ITSN2: variants seen among roughly 807,000 people sequenced by gnomAD.
The protein encoded by ITSN2 is intersectin 2, also known as intersectin-2.
ITSN2 carries 156 observed loss-of-function variants against 243.7 expected under a neutral mutation model. The observed-to-expected ratio is 0.64, with a 90% CI of 0.56 to 0.73. The LOEUF (loss-of-function observed/expected upper bound fraction) is 0.73. Among genes scored for constraint, ITSN2 ranks in the 30% least tolerant of loss-of-function variants. The probability of loss-of-function intolerance (pLI) is 0.00; values close to 1 mark genes in which losing one functional copy is unlikely to be tolerated. For synonymous variants in ITSN2, 703 were observed against 699.9 expected, an observed-to-expected ratio of 1.00 and a Z score of -0.07; for missense variants, 1,801 against 1,996.1, an observed-to-expected ratio of 0.90 and a Z score of 1.86.
At position 24,293,783 on chromosome 2, in the gene ITSN2, A is replaced by G. The variant is rs963979119; in HGVS notation, c.1636-8T>C. On this transcript the variant is annotated splice_region_variant and splice_polypyrimidine_tract_variant and intron_variant, in intron 14 of 39. Coordinates refer to ENST00000355123, the MANE Select transcript of ITSN2 (RefSeq NM_006277.3). ...AAGCTTATTCTGATATTCCTTATAAAAAGAAAAAATAGTACCTGATTACAA... is the reference window on the plus strand; with the variant it reads ...AAGCTTATTCTGATATTCCTTATAAGAAGAAAAAATAGTACCTGATTACAA... The G allele has an allele frequency of 2.4e-6, 2 of 835,562 alleles. No individual in the cohort carries two copies. Among genetic ancestry groups the G allele is most frequent in the African/African-American group, 3.6e-5 (2 of 55,874 alleles). 51.8% of individuals were successfully genotyped at this position (835,562 alleles called of 1,614,324 possible).
chr2:24,286,441 A>G (rs1271106355), intron 15 of ITSN2, 90 bp from the exon 16 acceptor site: 1 of 1,073,222 alleles, frequency 9.3e-7, no homozygotes, highest in Non-Finnish European at 1.4e-6. Flanking sequence ...GATTGATGTA[A>G]CTAGACCAAT....
intron 17 of ITSN2, among the ~76,000 whole-genome samples, chr2:24,278,234 G>A (rs1255512794): frequency 6.6e-6 from 1 of 152,164 alleles, no homozygotes; most frequent in Non-Finnish European, 1.5e-5. Context: ...ATTCCCTGCA[G>A]TGTCAGAGTT....
intron 29 of ITSN2, among the ~76,000 whole-genome samples, chr2:24,229,529 T>C (rs1004926549): frequency 2.0e-5 from 3 of 152,014 alleles, no homozygotes; most frequent in African/African-American, 7.3e-5. Context: ...GCAGAGGTTG[T>C]AGTGAGCCAA....
intron 1 of ITSN2, among the ~76,000 whole-genome samples, chr2:24,343,407 T>C (rs1478645965): frequency 1.3e-5 from 2 of 152,202 alleles, no homozygotes; most frequent in African/African-American, 4.8e-5. Context: ...TTTTTCACAG[T>C]GAATAAGTAA....
intron 29 of ITSN2, among the ~76,000 whole-genome samples, chr2:24,238,148 T>C (rs1174241380): frequency 6.6e-6 from 1 of 152,220 alleles, no homozygotes; most frequent in Non-Finnish European, 1.5e-5. Context: ...CTGAATTTGG[T>C]ATTCCTTCTC....
rs750112727 is a variant in ITSN2, at chr2:24,298,834, A to G, written c.1345-20T>C. 8 of 1,572,440 alleles carry G rather than the reference A, an allele frequency of 5.1e-6. No homozygotes were observed. The African/African-American group carries it at 9.7e-5, about 19-fold the overall frequency. ...TGCTGCCTGAAAAAAAAAAGGAATT[A>G]TACTTAATTTTTAAATCAAAAATTT... On this transcript the variant is annotated intron_variant, in intron 12 of 39. Coordinates refer to ENST00000355123, the MANE Select transcript of ITSN2 (RefSeq NM_006277.3).
intron 4 of ITSN2, 149 bp from the exon 5 acceptor site, chr2:24,312,524 T>C (rs987577897): frequency 4.2e-6 from 2 of 476,050 alleles, no homozygotes; most frequent in East Asian, 3.4e-5. Flanking sequence ...GTAAAATATA[T>C]AATAACAAAA....
In ITSN2 at chr2:24,257,965, C is replaced by T. The variant is rs536987512; in HGVS notation, c.2811G>A (p.Gly937=). The change falls in exon 23 of 40, where the codon GGG becomes GGA. Residue 937 remains glycine, a synonymous_variant. Coordinates refer to ENST00000355123, the MANE Select transcript of ITSN2 (RefSeq NM_006277.3). The part of the protein sequence containing the change: ...VLEQQENWWF[G]EVHGGRGWFP... ...ACCATCCTCTTCCTCCATGCACCTC[C>T]CCAAACCACCAATTTTCTTGCTGCT... is the stretch of plus-strand genomic sequence containing the variant. 1.2e-5 allele frequency: 19 copies of T among 1,613,968 alleles called. No individual in the cohort carries two copies. The South Asian group carries it at 1.9e-4, about 16-fold the overall frequency.
Position 24,252,370 on chromosome 2 carries a change from T to C in ITSN2, c.3095A>G (p.Asn1032Ser), listed in dbSNP as rs1674457166. 1 of 1,612,542 alleles carries C rather than the reference T, an allele frequency of 6.2e-7. No individual in the cohort carries two copies. Among genetic ancestry groups the C allele is most frequent in the Non-Finnish European group, 8.5e-7 (1 of 1,178,780 alleles). The change falls in exon 25 of 40, where the codon AAC (asparagine) becomes AGC (serine). Residue 1032 changes from asparagine to serine, a missense_variant. Around this residue, in one of 5 missense-constraint regions of ITSN2, gnomAD observed 928 missense variants for 1,065.4 expected, o/e 0.87. Coordinates refer to ENST00000355123, the MANE Select transcript of ITSN2 (RefSeq NM_006277.3). ...CTCTTGATCCTTTGGTTTGACATAG[T>C]TTGATGGAAAAATTCCACTTCTATC... is the stretch of plus-strand genomic sequence containing the variant. ...IGDRSGIFPS[N>S]YVKPKDQESF... is the part of the protein sequence containing the mutation.
chr2:24,337,357 A>AT (rs1251488462), intron 1 of ITSN2, among the ~76,000 whole-genome samples: 5 of 13,658 alleles, frequency 3.7e-4, no homozygotes, highest in South Asian at 3.1e-3. Context: ...TATATATGTA[A>AT]TTTTTTTTTT....
intron 29 of ITSN2, among the ~76,000 whole-genome samples, chr2:24,237,406 C>G (rs922841188): frequency 1.3e-4 from 8 of 62,042 alleles, no homozygotes; most frequent in Non-Finnish European, 2.1e-4. Flanking sequence ...CTATCCAACC[C>G]TTAACTGCTG....
intron 5 of ITSN2, 121 bp from the exon 6 acceptor site, chr2:24,310,813 T>C: frequency 2.6e-6 from 2 of 783,302 alleles, no homozygotes; most frequent in Non-Finnish European, 4.1e-6. Flanking sequence ...AGATGAATTA[T>C]CCTTAAAAAA....
At chr2:24,347,596 A>G (rs559242620) in intron 1 of ITSN2, among the ~76,000 whole-genome samples, 11 of 152,260 alleles carry the variant, frequency 7.2e-5, no homozygotes, top group African/African-American at 2.4e-4. Context: ...TGAGGCAGGA[A>G]AATCGCTTGA....
intron 1 of ITSN2, chr2:24,330,714 G>T: frequency 1.6e-6 from 1 of 632,578 alleles, no homozygotes; most frequent in Non-Finnish European, 2.9e-6. Flanking sequence ...TCTGGTGACA[G>T]TAGTTTGAAA....
chr2:24,291,710 G>T (rs770019497), intron 15 of ITSN2, among the ~76,000 whole-genome samples: 1 of 151,916 alleles, frequency 6.6e-6, no homozygotes, highest in African/African-American at 2.4e-5. Context: ...GGATGATCTC[G>T]ATCTCTTGAC....
rs531180990 is a variant in ITSN2, at chr2:24,209,805, G to A, written c.4473+13C>T. 23 of 1,604,778 alleles carry A rather than the reference G, an allele frequency of 1.4e-5. No individual in the cohort carries two copies. The South Asian group carries it at 1.8e-4, about 12-fold the overall frequency. On this transcript the variant is annotated intron_variant, in intron 35 of 39. Coordinates refer to ENST00000355123, the MANE Select transcript of ITSN2 (RefSeq NM_006277.3). ...TAGGCCCCTGATGCTACCCCCAGACGCGTGATACTCACCGTTTTATACATT... is the reference window on the plus strand; with the variant it reads ...TAGGCCCCTGATGCTACCCCCAGACACGTGATACTCACCGTTTTATACATT...
chr2:24,263,937 A>G (rs762017015), intron 20 of ITSN2, among the ~76,000 whole-genome samples: 3 of 152,220 alleles, frequency 2.0e-5, no homozygotes, highest in Non-Finnish European at 4.4e-5. Context: ...GCTGAGTCAC[A>G]TGGTAGGTAC....
intron 19 of ITSN2, 69 bp from the exon 20 acceptor site, chr2:24,270,837 G>T (rs1352715599): frequency 2.5e-6 from 2 of 805,694 alleles, no homozygotes; most frequent in Non-Finnish European, 4.1e-6. Context: ...TCAATAAAGA[G>T]CTCTAAAACC....
intron 1 of ITSN2, among the ~76,000 whole-genome samples, chr2:24,337,819 T>C (rs1686627745): frequency 6.6e-6 from 1 of 152,044 alleles, no homozygotes; most frequent in Non-Finnish European, 1.5e-5. Flanking sequence ...TAAAACTTTC[T>C]CTAGTGTCTC....
Sources: allele counts gnomAD v4.1 joint callset (sites outside exome capture counted in the v4.1 genomes callset), GRCh38; gene constraint gnomAD v4.1.1; regional missense constraint gnomAD v4.1.1; transcripts MANE v1.5; gene names NCBI Gene and HGNC (gene_info 2026-07-23, HGNC 2026-07-21).